PRSS54: variants seen among roughly 807,000 people sequenced by gnomAD.
PRSS54 encodes the protein serine protease 54.
PRSS54 carries 16 observed loss-of-function variants against 19.9 expected under a neutral mutation model. The ratio of observed to expected loss-of-function variants is 0.80; its 90% CI spans 0.54 to 1.22. The LOEUF is 1.22. PRSS54 is among the 50% of genes most tolerant of loss of function. The pLI is 0.00. For synonymous variants in PRSS54, 177 were observed against 195.8 expected, an observed-to-expected ratio of 0.90 and a Z score of 0.80; for missense variants, 444 against 494.8, an observed-to-expected ratio of 0.90 and a Z score of 0.97.
chr16:58,289,090 T>C (rs989707551), intron 4 of PRSS54, among the ~76,000 whole-genome samples: 5 of 152,188 alleles, frequency 3.3e-5, no homozygotes, highest in Admixed American at 1.3e-4. Flanking sequence ...GGTATAAGGC[T>C]GGGGCTGTAA....
rs768356639 is a variant in PRSS54 at position 58,291,119 on chromosome 16, C to A, written c.103G>T (p.Ala35Ser). Reference protein sequence around the residue: ...YSSTSCGVQKASVFYGPDPKE... With the variant: ...YSSTSCGVQKSSVFYGPDPKE... ...GGGTCAGGACCGTAGAAAACGGAAGCTTTCTGGACGCCACAACCTGCGGAG... is the reference window on the plus strand; with the variant it reads ...GGGTCAGGACCGTAGAAAACGGAAGATTTCTGGACGCCACAACCTGCGGAG... The change falls in exon 4 of 7, where the codon GCT becomes TCT. Residue 35 changes from alanine to serine, a missense_variant. Physicochemically the swap from Ala to Ser is moderately conservative, Grantham distance 99 (BLOSUM62 1). Transcript: ENST00000567164. 3 of 1,614,016 alleles carry A rather than the reference C, an allele frequency of 1.9e-6. No individual in the cohort carries two copies. In the Admixed American group the frequency reaches 5.0e-5, roughly 27 times the overall value.
intron 4 of PRSS54, 80 bp from the exon 5 acceptor site, chr16:58,286,275 T>G: frequency 6.7e-7 from 1 of 1,493,210 alleles, no homozygotes; most frequent in Non-Finnish European, 9.2e-7. Context: ...ATTTAAGTTT[T>G]TTCAGCCTGG....
intron 4 of PRSS54, among the ~76,000 whole-genome samples, chr16:58,287,889 T>C (rs55685520): frequency 0.1 from 15,689 of 152,184 alleles, 894 homozygotes; most frequent in Admixed American, 0.13. Flanking sequence ...GGCTGGTAGG[T>C]GATTTTAATT....
intron 5 of PRSS54, among the ~76,000 whole-genome samples, 193 bp downstream of exon 5, chr16:58,285,744 A>AAAAAAAG (rs146167626): frequency 2.1e-4 from 16 of 77,358 alleles, no homozygotes; most frequent in Admixed American, 2.6e-4. Context: ...AAAAAAAAAA[A>AAAAAAAG]AAGAAGAAGA....
At chr16:58,289,819 C>T (rs553413101) in intron 4 of PRSS54, among the ~76,000 whole-genome samples, 342 of 152,124 alleles carry the variant, frequency 2.2e-3, no homozygotes, top group Non-Finnish European at 3.7e-3. Flanking sequence ...TCAAGTGATC[C>T]GCCCGTCTCA....
At chr16:58,293,039 G>A (rs1482511525) in intron 3 of PRSS54, among the ~76,000 whole-genome samples, 23 of 152,194 alleles carry the variant, frequency 1.5e-4, no homozygotes, top group African/African-American at 7.2e-5. Flanking sequence ...ATGTGTGTGC[G>A]TGTATGTGTG....
chr16:58,280,006 A>G lies in PRSS54; in HGVS notation c.*218T>C, dbSNP rs1964672853. The G allele has an allele frequency of 1.6e-6, 1 of 623,988 alleles. No individual in the cohort carries two copies. 38.7% of individuals were successfully genotyped at this position (623,988 alleles called of 1,614,324 possible). ...CCACAGGGCACTCTAATGGTTTGAC[A>G]CTTGTTAGCCAGCATTTAGTTCACA... On this transcript the variant is annotated 3_prime_UTR_variant, in exon 7 of 7. Transcript: ENST00000567164.
chr16:58,284,613 C>G lies in PRSS54; in HGVS notation c.631G>C (p.Glu211Gln). 6.2e-7 allele frequency: 1 copy of G among 1,614,066 alleles called. No homozygotes were observed. The highest frequency in any genetic ancestry group is 1.7e-5 in the Admixed American group (1 of 60,020). ...ACCAAGCAGGCAGTCTTGGTTTCCT[C>G]TTTCGTGTGGCTGCCGCATTCTGTC... Reference protein sequence around the residue: ...QKTECGSHTKEETKTACLGDP... With the variant: ...QKTECGSHTKQETKTACLGDP... The change falls in exon 6 of 7, where the codon GAG (glutamate) becomes CAG (glutamine). Residue 211 changes from glutamate to glutamine, a missense_variant. Physicochemically the swap from Glu to Gln is conservative, Grantham distance 29. Coordinates refer to ENST00000567164, the MANE Select transcript of PRSS54 (RefSeq NM_001305173.2).
At chr16:58,286,274 T>C (rs1964920263) in intron 4 of PRSS54, 79 bp from the exon 5 acceptor site, 1 of 1,496,450 alleles carries the variant, frequency 6.7e-7, no homozygotes, top group Non-Finnish European at 9.2e-7. Context: ...CATTTAAGTT[T>C]TTTCAGCCTG....
At chr16:58,289,166 AG>A (rs200571494) in intron 4 of PRSS54, among the ~76,000 whole-genome samples, 15,648 of 152,198 alleles carry the variant, frequency 0.1, 879 homozygotes, top group Admixed American at 0.13. Context: ...CACAGAGGGA[AG>A]GGCCATGTGA....
At position 58,284,650 on chromosome 16, in the gene PRSS54, G is replaced by A. The variant is rs1478002252; in HGVS notation, c.594C>T (p.Tyr198=). ...FVKDLDMCPL[Y]KLQKTECGSH... is the part of the protein sequence containing the mutation. ...TGCCGCATTCTGTCTTCTGGAGTTT[G>A]TATAGGGGACACATGTCAAGATCTT... Residue 198 remains tyrosine, a synonymous_variant, in exon 6 of 7, where the codon TAC becomes TAT. Transcript: ENST00000567164. 6.2e-7 allele frequency: 1 copy of A among 1,614,064 alleles called. No homozygotes were observed. Among genetic ancestry groups the A allele is most frequent in the Non-Finnish European group, 8.5e-7 (1 of 1,179,976 alleles).
chr16:58,280,895 A>C (rs1964711279), intron 6 of PRSS54, 138 bp from the exon 7 acceptor site: 1 of 762,250 alleles, frequency 1.3e-6, no homozygotes, highest in African/African-American at 1.7e-5. Context: ...ATAGGATACA[A>C]TTTCAAATCT....
chr16:58,280,632 G>C lies in PRSS54; in HGVS notation c.780C>G (p.Tyr260Ter). The C allele has an allele frequency of 6.2e-7, 1 of 1,614,192 alleles. No individual in the cohort carries two copies. Among genetic ancestry groups the C allele is most frequent in the African/African-American group, 1.3e-5 (1 of 75,044 alleles). ...GLFLYTKVED[Y>*]SKWITSKAER... Reference sequence around the variant, plus strand: ...CAGCCTTGGATGTGATCCATTTGCTGTAGTCTTCCACCTTGGTGTACAGAA... The same window carrying C: ...CAGCCTTGGATGTGATCCATTTGCTCTAGTCTTCCACCTTGGTGTACAGAA... The change falls in exon 7 of 7, where the codon TAC becomes TAG. Residue 260 changes from tyrosine to a stop codon, truncating the protein, a stop_gained. Coordinates refer to ENST00000567164, the MANE Select transcript of PRSS54 (RefSeq NM_001305173.2). LOFTEE classifies it low-confidence loss of function (END_TRUNC).
chr16:58,290,576 G>T (rs1195296472), intron 4 of PRSS54, among the ~76,000 whole-genome samples: 1 of 128,168 alleles, frequency 7.8e-6, no homozygotes, highest in Non-Finnish European at 1.8e-5. Flanking sequence ...ACATGTATTT[G>T]TGGCAGTAAC....
chr16:58,286,273 T>G, intron 4 of PRSS54, 78 bp from the exon 5 acceptor site: 1 of 1,492,364 alleles, frequency 6.7e-7, no homozygotes, highest in Non-Finnish European at 9.2e-7. Flanking sequence ...CCATTTAAGT[T>G]TTTTCAGCCT....
At chr16:58,282,437 G>C (rs2142628689) in intron 6 of PRSS54, 1 of 152,370 alleles carries the variant, frequency 6.6e-6, no homozygotes, top group East Asian at 1.9e-4. Flanking sequence ...TGCCCAGTGG[G>C]GTATTCTCTT....
At position 58,280,654 on chromosome 16, in the gene PRSS54, A is replaced by G; in HGVS notation, c.758T>C (p.Leu253Pro). 6.2e-7 allele frequency: 1 copy of G among 1,614,192 alleles called. No homozygotes were observed. Among genetic ancestry groups the G allele is most frequent in the South Asian group, 1.1e-5 (1 of 91,082 alleles). The change falls in exon 7 of 7, where the codon CTG becomes CCG. Residue 253 changes from leucine (L) to proline (P), a missense_variant. By Grantham distance (98) the Leu-to-Pro change is moderately conservative. Coordinates refer to ENST00000567164, the MANE Select transcript of PRSS54 (RefSeq NM_001305173.2). ...GCTGTAGTCTTCCACCTTGGTGTACAGAAACAGGCCAGGGCACGTCTCACC... is the reference window on the plus strand; with the variant it reads ...GCTGTAGTCTTCCACCTTGGTGTACGGAAACAGGCCAGGGCACGTCTCACC... ...FGGETCPGLFLYTKVEDYSKW... is the reference protein window; with the variant it reads ...FGGETCPGLFPYTKVEDYSKW...
rs1365082743 is a variant in PRSS54 at position 58,290,972 on chromosome 16, C to A, written c.250G>T (p.Ala84Ser). ...AGGGGCACTGGCCTGTTCTGAATGGCGGATGCGATGCTGAGGACCCAGAAC... is the reference window on the plus strand; with the variant it reads ...AGGGGCACTGGCCTGTTCTGAATGGAGGATGCGATGCTGAGGACCCAGAAC... ...SEFWVLSIAS[A>S]IQNRKDIVVI... The change falls in exon 4 of 7, where the codon GCC becomes TCC. Residue 84 changes from alanine (A) to serine (S), a missense_variant. Transcript: ENST00000567164. 1 of 1,614,018 alleles carries A rather than the reference C, an allele frequency of 6.2e-7. No homozygotes were observed. Among genetic ancestry groups the A allele is most frequent in the African/African-American group, 1.3e-5 (1 of 74,928 alleles).
chr16:58,289,490 A>C (rs910303984), intron 4 of PRSS54, among the ~76,000 whole-genome samples: 2 of 152,188 alleles, frequency 1.3e-5, no homozygotes, highest in African/African-American at 4.8e-5. Flanking sequence ...TCAAGGGAGA[A>C]AAACTAGTGA....
Sources: gnomAD v4.1 joint callset for allele counts (sites outside exome capture counted in the v4.1 genomes callset) on GRCh38, gnomAD v4.1.1 for gene constraint, MANE v1.5 for transcripts, NCBI Gene and HGNC (gene_info 2026-07-23, HGNC 2026-07-21) for gene names.